Variants in MCC observed in about 807,000 individuals in gnomAD.
MCC encodes MCC regulator of Wnt signaling pathway.
MCC carries 90 observed loss-of-function variants against 116.2 expected under a neutral mutation model. The ratio of observed to expected loss-of-function variants is 0.77; its 90% confidence interval spans 0.65 to 0.92. MCC has a LOEUF of 0.92. MCC is among the 40% of genes least tolerant of loss of function. The probability of loss-of-function intolerance (pLI) is 0.00; values close to 1 mark genes in which losing one functional copy is unlikely to be tolerated. For missense variants in MCC, 1,516 were observed against 1,312.2 expected (o/e 1.16, Z -2.40); for synonymous variants, 578 against 510.5 (o/e 1.13, Z -1.78).
intron 14 of MCC, among the ~76,000 whole-genome samples, chr5:113,056,239 T>C (rs1034936452): frequency 6.6e-6 from 1 of 152,178 alleles, no homozygotes; most frequent in Non-Finnish European, 1.5e-5. Context: ...AAGGTAATCA[T>C]AGTACCTGCT....
Position 113,151,353 on chromosome 5 carries a change from CTGTT to C in MCC, c.693_696del (p.Thr232ArgfsTer22). ...TTTTCCAGAAGGTCCCGTTCCCTCTCTGTTTGCTGGAGACGTTTATTAAGTTCCA... is the reference window on the plus strand; with the variant it reads ...TTTTCCAGAAGGTCCCGTTCCCTCTCTGCTGGAGACGTTTATTAAGTTCCA... On this transcript the variant is annotated frameshift_variant, in exon 4 of 19. Coordinates refer to ENST00000408903, the MANE Select transcript of MCC (RefSeq NM_001085377.2). LOFTEE classifies it high-confidence loss of function. The C allele has an allele frequency of 1.9e-6, 3 of 1,613,948 alleles. No individual in the cohort carries two copies. The highest frequency in any genetic ancestry group is 2.5e-6 in the Non-Finnish European group (3 of 1,179,906).
rs1243674729 is a variant in MCC, at chr5:113,104,234, C to T, written c.1149G>A (p.Glu383=). ...LSVAEVDKHI[E]QLTTASEHCD... The stretch of plus-strand genomic sequence containing the variant: ...AGTGCTCGCTGGCTGTGGTGAGCTG[C>T]TCAATGTGCTTGTCCACCTCGGCCA... Residue 383 remains glutamate (E), a synonymous_variant, in exon 7 of 19, where the codon GAG becomes GAA. Transcript: ENST00000408903. 6.2e-7 allele frequency: 1 copy of T among 1,613,934 alleles called. No individual in the cohort carries two copies. Among genetic ancestry groups the T allele is most frequent in the Non-Finnish European group, 8.5e-7 (1 of 1,179,976 alleles).
At chr5:113,291,059 T>C (rs968492558) in intron 3 of MCC, among the ~76,000 whole-genome samples, 3 of 152,220 alleles carry the variant, frequency 2.0e-5, no homozygotes, top group African/African-American at 7.2e-5. Context: ...AAAATATGTT[T>C]GAATGTTCAT....
chr5:113,468,984 T>C (rs1561588455), intron 1 of MCC, among the ~76,000 whole-genome samples: 1 of 152,246 alleles, frequency 6.6e-6, no homozygotes, highest in Non-Finnish European at 1.5e-5. Context: ...GTGTTTATAG[T>C]ACTCTCTGAT....
chr5:113,232,538 G>A (rs990391748), intron 3 of MCC, among the ~76,000 whole-genome samples: 2 of 152,242 alleles, frequency 1.3e-5, no homozygotes, highest in East Asian at 3.9e-4. Context: ...TGAGATCAGA[G>A]ACTCTGTCAG....
chr5:113,120,497 T>C (rs1419190293), intron 6 of MCC, among the ~76,000 whole-genome samples: 2 of 152,206 alleles, frequency 1.3e-5, no homozygotes, highest in Non-Finnish European at 2.9e-5. Flanking sequence ...CCCCACTGGC[T>C]TCCAGAATAC....
intron 6 of MCC, among the ~76,000 whole-genome samples, chr5:113,119,500 T>C (rs184964364): frequency 1.4e-3 from 212 of 152,032 alleles, no homozygotes; most frequent in Non-Finnish European, 2.3e-3. Context: ...GAGGCCAGAG[T>C]GGCTGCAGCT....
chr5:113,079,414 A>G (rs886345339), intron 11 of MCC, among the ~76,000 whole-genome samples: 2 of 152,224 alleles, frequency 1.3e-5, no homozygotes, highest in Non-Finnish European at 2.9e-5. Flanking sequence ...ACTATACTAC[A>G]AGGCCACAGT....
chr5:113,210,608 G>A (rs1763099151), intron 3 of MCC, among the ~76,000 whole-genome samples: 1 of 152,072 alleles, frequency 6.6e-6, no homozygotes, highest in Non-Finnish European at 1.5e-5. Context: ...GATGTTTGGG[G>A]GAAACATGAA....
At chr5:113,350,449 G>C (rs1768241340) in intron 2 of MCC, among the ~76,000 whole-genome samples, 1 of 152,010 alleles carries the variant, frequency 6.6e-6, no homozygotes, top group African/African-American at 2.4e-5. Context: ...AAGGAAGAGA[G>C]TCTCTTCAAT....
At chr5:113,214,111 G>A (rs1021661687) in intron 3 of MCC, among the ~76,000 whole-genome samples, 2 of 152,142 alleles carry the variant, frequency 1.3e-5, no homozygotes, top group Non-Finnish European at 2.9e-5. Flanking sequence ...ACAAGGTCAC[G>A]CACAATGGTG....
At chr5:113,487,590 C>T (rs1320017887) in intron 1 of MCC, among the ~76,000 whole-genome samples, 1 of 152,224 alleles carries the variant, frequency 6.6e-6, no homozygotes, top group Non-Finnish European at 1.5e-5. Context: ...CGCCGAAGCT[C>T]ACCTGGTCAG....
chr5:113,343,975 G>C (rs1374331138), intron 2 of MCC, among the ~76,000 whole-genome samples: 1 of 152,064 alleles, frequency 6.6e-6, no homozygotes, highest in Non-Finnish European at 1.5e-5. Flanking sequence ...CTAACCATCA[G>C]GTAAGCAATC....
At chr5:113,262,634 AAGTAACT>A (rs1327464873) in intron 3 of MCC, among the ~76,000 whole-genome samples, 1 of 152,212 alleles carries the variant, frequency 6.6e-6, no homozygotes, top group Admixed American at 6.5e-5. Context: ...GCCAAAGATA[AAGTAACT>A]AGTCCCCAGT....
intron 3 of MCC, among the ~76,000 whole-genome samples, chr5:113,155,417 T>G (rs1760119417): frequency 6.6e-6 from 1 of 152,192 alleles, no homozygotes; most frequent in Non-Finnish European, 1.5e-5. Context: ...TGGGATTGGA[T>G]CATATGGTAG....
At chr5:113,168,837 C>A (rs1760913431) in intron 3 of MCC, among the ~76,000 whole-genome samples, 1 of 152,100 alleles carries the variant, frequency 6.6e-6, no homozygotes, top group Non-Finnish European at 1.5e-5. Context: ...TTCTATATTA[C>A]CCCTAAAGTC....
intron 3 of MCC, among the ~76,000 whole-genome samples, chr5:113,187,891 C>G (rs1004562807): frequency 1.4e-4 from 21 of 152,112 alleles, no homozygotes; most frequent in African/African-American, 4.6e-4. Flanking sequence ...ACGTTACAAA[C>G]AAGGTCCCTT....
intron 1 of MCC, among the ~76,000 whole-genome samples, chr5:113,388,705 A>G (rs559654786): frequency 1.2e-3 from 184 of 152,346 alleles, no homozygotes; most frequent in African/African-American, 4.2e-3. Flanking sequence ...TACAGCTTGC[A>G]GAACAGTGAG....
chr5:113,095,424 T>C (rs560514882), intron 8 of MCC, among the ~76,000 whole-genome samples: 1 of 152,358 alleles, frequency 6.6e-6, no homozygotes, highest in South Asian at 2.1e-4. Flanking sequence ...TCAGCTAGGA[T>C]TCTGGAGCAG....
Sources: allele counts gnomAD v4.1 joint callset (sites outside exome capture counted in the v4.1 genomes callset), GRCh38; gene constraint gnomAD v4.1.1; transcripts MANE v1.5; gene names NCBI Gene and HGNC (gene_info 2026-07-23, HGNC 2026-07-21).